Variants in FAM234A observed in about 807,000 individuals in gnomAD.
FAM234A encodes family with sequence similarity 234 member A, also known as protein FAM234A.
FAM234A carries 42 observed loss-of-function variants against 49.1 expected under a neutral mutation model. The ratio of observed to expected loss-of-function variants is 0.86; its 90% confidence interval spans 0.67 to 1.11. FAM234A has a LOEUF of 1.11. FAM234A is among the 50% of genes least tolerant of loss of function. FAM234A has a pLI of 0.00. For missense variants in FAM234A, 815 were observed against 745.2 expected, an observed-to-expected ratio of 1.09 and a Z score of -1.09; for synonymous variants, 369 against 316.2, an observed-to-expected ratio of 1.17 and a Z score of -1.77.
At chr16:258,618 A>G (rs1013057432) in intron 3 of FAM234A, among the ~76,000 whole-genome samples, 1 of 152,228 alleles carries the variant, frequency 6.6e-6, no homozygotes, top group East Asian at 1.9e-4. Flanking sequence ...TCCCCTTTCT[A>G]TTCCACAAAA....
At chr16:239,803 A>G (rs2050549876) in intron 1 of FAM234A, among the ~76,000 whole-genome samples, 1 of 152,096 alleles carries the variant, frequency 6.6e-6, no homozygotes, top group African/African-American at 2.4e-5. Context: ...CTTCTCAAGT[A>G]CTGTAAAAGT....
chr16:238,782 A>AAG (rs1555459785), intron 1 of FAM234A, among the ~76,000 whole-genome samples: 42 of 137,578 alleles, frequency 3.1e-4, no homozygotes, highest in African/African-American at 1.1e-3. Flanking sequence ...AAAAAAAAAA[A>AAG]AAAAGAAAAA....
intron 1 of FAM234A, among the ~76,000 whole-genome samples, chr16:246,102 C>T (rs1482039976): frequency 2.6e-5 from 4 of 151,344 alleles, no homozygotes; most frequent in Non-Finnish European, 5.9e-5. Context: ...ATAGTCCCAG[C>T]CACTCAGGAG....
At chr16:242,054 C>T (rs891815796) in intron 1 of FAM234A, among the ~76,000 whole-genome samples, 1 of 152,022 alleles carries the variant, frequency 6.6e-6, no homozygotes, top group Non-Finnish European at 1.5e-5. Context: ...GTATTCCTGC[C>T]CCACCCCTGC....
rs201005851 is a variant in FAM234A at position 259,413 on chromosome 16, G to A, written c.269-70G>A. The A allele has an allele frequency of 3.5e-4, 304 of 871,950 alleles. 6 individuals are homozygous for A. The South Asian group carries it at 3.8e-3, about 11-fold the overall frequency. The allele number at this position is 871,950 out of a possible 1,614,324, so 54.0% of individuals were successfully genotyped here. A position where few individuals can be genotyped will look rare whatever the true frequency, so the allele number is the denominator to read the frequency against. ...GTTCCATGTAGCAGAGAAGTAGGTC[G>A]TGCTGGACCTGATCGTTCCTGGAAA... On this transcript the variant is annotated intron_variant, in intron 3 of 12. Coordinates refer to ENST00000399932, the MANE Select transcript of FAM234A (RefSeq NM_032039.4).
intron 2 of FAM234A, 174 bp from the exon 3 acceptor site, chr16:254,206 TA>T: frequency 3.2e-6 from 2 of 633,606 alleles, no homozygotes; most frequent in Non-Finnish European, 5.6e-6. Context: ...TTCTTAAGTA[TA>T]ATCTGTTAAG....
chr16:263,209 G>A, intron 8 of FAM234A, 53 bp from the exon 9 acceptor site: 1 of 1,595,914 alleles, frequency 6.3e-7, no homozygotes, highest in Non-Finnish European at 8.5e-7. Flanking sequence ...TCCACTGGGT[G>A]CCTGAGGCCG....
chr16:264,572 C>T, intron 11 of FAM234A, 42 bp from the exon 12 acceptor site: 1 of 1,330,502 alleles, frequency 7.5e-7, no homozygotes, highest in Non-Finnish European at 1.1e-6. Context: ...TGTGGGAGTG[C>T]TCAGTGAAGG....
intron 2 of FAM234A, among the ~76,000 whole-genome samples, chr16:252,221 G>C (rs1336963232): frequency 1.5e-5 from 2 of 136,662 alleles, no homozygotes; most frequent in East Asian, 4.5e-4. Context: ...TCTCACTGTC[G>C]CCCAGGCTGG....
intron 1 of FAM234A, among the ~76,000 whole-genome samples, chr16:243,918 ATTG>A (rs1444159530): frequency 6.6e-6 from 1 of 151,932 alleles, no homozygotes; most frequent in Non-Finnish European, 1.5e-5. Flanking sequence ...TTTGGGGAGT[ATTG>A]TTATAAATGC....
At chr16:269,022 T>A, downstream of FAM234A, 1 of 1,330,532 alleles carries the variant, frequency 7.5e-7, no homozygotes, top group Non-Finnish European at 1.1e-6. Flanking sequence ...GGCTCTGCCC[T>A]GACCCAAGCT....
chr16:257,977 C>T (rs1245644336), intron 3 of FAM234A, among the ~76,000 whole-genome samples: 2 of 152,088 alleles, frequency 1.3e-5, no homozygotes, highest in Non-Finnish European at 2.9e-5. Flanking sequence ...CCTGCCTTAG[C>T]CTCCCGAGTA....
Position 265,314 on chromosome 16 carries a change from T to C in FAM234A, c.*292T>C, listed in dbSNP as rs2051655324. The stretch of plus-strand genomic sequence containing the variant: ...TCACACCAGGCAGCCTTCATAGTGG[T>C]CTCCCTGGCCACCTTGGGCAGAGCT... On this transcript the variant is annotated 3_prime_UTR_variant, in exon 13 of 13. Coordinates refer to ENST00000399932, the MANE Select transcript of FAM234A (RefSeq NM_032039.4). The C allele has an allele frequency of 8.3e-7, 1 of 1,208,840 alleles. No individual in the cohort carries two copies. Among genetic ancestry groups the C allele is most frequent in the South Asian group, 2.8e-5 (1 of 36,232 alleles). The allele number at this position is 1,208,840 out of a possible 1,614,324, so 74.9% of individuals were successfully genotyped here.
intron 1 of FAM234A, among the ~76,000 whole-genome samples, chr16:238,494 C>T (rs547278329): frequency 2.0e-5 from 3 of 152,144 alleles, no homozygotes; most frequent in South Asian, 2.1e-4. Flanking sequence ...TGGCCAGGCA[C>T]GGTGGCTCAC....
At chr16:247,415 C>G (rs1197301445) in intron 1 of FAM234A, among the ~76,000 whole-genome samples, 1 of 151,656 alleles carries the variant, frequency 6.6e-6, no homozygotes, top group East Asian at 1.9e-4. Flanking sequence ...AGACATGAGA[C>G]AACACTCCCA....
downstream of FAM234A, chr16:269,250 G>A: frequency 6.0e-6 from 9 of 1,488,756 alleles, no homozygotes; most frequent in Non-Finnish European, 7.3e-6. Context: ...GGACTAGAGT[G>A]GCAGATGGGC....
At chr16:253,481 AT>A (rs1031534296) in intron 2 of FAM234A, among the ~76,000 whole-genome samples, 15 of 148,800 alleles carry the variant, frequency 1.0e-4, no homozygotes, top group Admixed American at 6.0e-4. Flanking sequence ...TATGCATTTA[AT>A]TTTTTTTTTT....
chr16:253,501 G>T (rs1447641163), intron 2 of FAM234A, among the ~76,000 whole-genome samples: 4 of 151,194 alleles, frequency 2.6e-5, no homozygotes. Flanking sequence ...TTGAGACGGA[G>T]TGTCACTCTG....
chr16:253,387 CTTA>C (rs1309081394), intron 2 of FAM234A, among the ~76,000 whole-genome samples: 2 of 152,090 alleles, frequency 1.3e-5, no homozygotes, highest in East Asian at 3.8e-4. Flanking sequence ...TTAGTCTGTG[CTTA>C]TCCATGAACA....
Sources: gnomAD v4.1 joint callset for allele counts (sites outside exome capture counted in the v4.1 genomes callset) on GRCh38, gnomAD v4.1.1 for gene constraint, MANE v1.5 for transcripts, NCBI Gene and HGNC (gene_info 2026-07-23, HGNC 2026-07-21) for gene names.